ELL2: variants seen among roughly 807,000 people sequenced by gnomAD.
ELL2 encodes the protein RNA polymerase II elongation factor ELL2.
Under a neutral mutation model 72.8 loss-of-function variants are expected in ELL2, and 21 were observed. The observed-to-expected ratio is 0.29, with a 90% CI of 0.20 to 0.42. The LOEUF is 0.42. Ranked by LOEUF, ELL2 falls within the 10% of genes least tolerant of loss-of-function variation. ELL2 has a pLI of 1.00. For missense variants in ELL2, 568 were observed against 772.8 expected, an observed-to-expected ratio of 0.73 and a Z score of 3.14; for synonymous variants, 266 against 283.2, an observed-to-expected ratio of 0.94 and a Z score of 0.61.
At chr5:95,903,234 T>TC (rs1554075434) in intron 5 of ELL2, among the ~76,000 whole-genome samples, 10 of 109,510 alleles carry the variant, frequency 9.1e-5, no homozygotes, top group South Asian at 3.4e-4. Context: ...TTTTTTTTTT[T>TC]CCGAGACAGA....
intron 2 of ELL2, among the ~76,000 whole-genome samples, chr5:95,920,277 ATATTTATTTATTTATT>A (rs70978197): frequency 0.011 from 1,538 of 135,246 alleles, 22 homozygotes; most frequent in African/African-American, 0.039. Flanking sequence ...TAAATTTTTA[ATATTTATTTATTTATT>A]TATTTATTTA....
intron 1 of ELL2, among the ~76,000 whole-genome samples, chr5:95,955,705 G>A (rs978798561): frequency 6.6e-6 from 1 of 152,150 alleles, no homozygotes; most frequent in Non-Finnish European, 1.5e-5. Context: ...TGGAGCTGAG[G>A]TATGCAGGAC....
intron 2 of ELL2, among the ~76,000 whole-genome samples, chr5:95,939,922 C>T (rs892871814): frequency 7.9e-5 from 12 of 152,170 alleles, no homozygotes; most frequent in African/African-American, 2.9e-4. Flanking sequence ...TCTAAATATG[C>T]TGTTCTAGAG....
At chr5:95,921,087 C>T in intron 2 of ELL2, among the ~76,000 whole-genome samples, 1 of 152,116 alleles carries the variant, frequency 6.6e-6, no homozygotes, top group East Asian at 1.9e-4. Context: ...GAAAGAACTG[C>T]AGTCACCAAT....
At chr5:95,922,808 C>A (rs377169258) in intron 2 of ELL2, among the ~76,000 whole-genome samples, 2 of 151,892 alleles carry the variant, frequency 1.3e-5, no homozygotes, top group African/African-American at 4.8e-5. Context: ...TAAAAAGAAA[C>A]AAAGTTTTTA....
chr5:95,920,901 C>T (rs1158844798), intron 2 of ELL2, among the ~76,000 whole-genome samples: 1 of 134,920 alleles, frequency 7.4e-6, no homozygotes, highest in Non-Finnish European at 1.5e-5. Context: ...TCTGTCCTTT[C>T]CATTATAAGA....
chr5:95,918,446 G>A (rs73771803), intron 3 of ELL2, among the ~76,000 whole-genome samples: 4 of 152,194 alleles, frequency 2.6e-5, no homozygotes, highest in African/African-American at 9.7e-5. Context: ...GAAAATGACA[G>A]ATTAAATAAC....
chr5:95,901,138 A>G (rs1235393659), intron 5 of ELL2, 58 bp from the exon 6 acceptor site: 4 of 1,531,492 alleles, frequency 2.6e-6, no homozygotes, highest in South Asian at 1.3e-5. Flanking sequence ...TCCTAACCTA[A>G]AACAGGCAAC....
chr5:95,948,429 CAAAA>C (rs1187881368), intron 1 of ELL2, among the ~76,000 whole-genome samples: 541 of 35,176 alleles, frequency 0.015, 1 homozygote, highest in African/African-American at 0.06. Context: ...GACTCCGCCT[CAAAA>C]AAAAAAAAAA....
At chr5:95,903,874 C>T (rs898284512) in intron 5 of ELL2, among the ~76,000 whole-genome samples, 13 of 152,128 alleles carry the variant, frequency 8.5e-5, no homozygotes, top group African/African-American at 2.7e-4. Context: ...TCCATCCTTC[C>T]GCATCTCAGT....
intron 4 of ELL2, chr5:95,913,494 C>T (rs776669662): frequency 1.7e-5 from 4 of 240,130 alleles, no homozygotes; most frequent in Non-Finnish European, 1.6e-5. Flanking sequence ...ATTGCAACTT[C>T]ACGCAGTAAT....
chr5:95,903,530 A>C (rs1749228438), intron 5 of ELL2, among the ~76,000 whole-genome samples: 1 of 152,050 alleles, frequency 6.6e-6, no homozygotes, highest in Non-Finnish European at 1.5e-5. Context: ...CGCCTGGCCT[A>C]GGACCTTTGT....
At position 95,943,266 on chromosome 5, in the gene ELL2, T is replaced by TTA. The variant is rs558414019; in HGVS notation, c.148-218_148-217insTA. On this transcript the variant is annotated intron_variant, in intron 1 of 11. Transcript: ENST00000237853. ...TGAGACCTCCCCCTCCATCTCTATT[T>TTA]AAAAAAAAAAAAAAGAAAGAAAGAA... is the stretch of plus-strand genomic sequence containing the variant. Among the ~76,000 whole-genome samples the TTA allele has an allele frequency of 6.0e-3, 853 of 141,392 alleles. 1 individual carries two copies. Among genetic ancestry groups the TTA allele is most frequent in the Non-Finnish European group, 9.4e-3 (609 of 64,710 alleles). 92.8% of individuals were successfully genotyped at this position (141,392 alleles called of 152,430 possible). A position where few individuals can be genotyped will look rare whatever the true frequency, so the allele number is the denominator to read the frequency against.
At chr5:95,927,318 T>TCCAGGG (rs1245088052) in intron 2 of ELL2, among the ~76,000 whole-genome samples, 2 of 149,166 alleles carry the variant, frequency 1.3e-5, no homozygotes, top group Admixed American at 1.3e-4. Context: ...TCCAGGGTAT[T>TCCAGGG]TTGCCTGGAA....
chr5:95,929,550 C>T (rs1323416904), intron 2 of ELL2, among the ~76,000 whole-genome samples: 1 of 152,114 alleles, frequency 6.6e-6, no homozygotes, highest in Admixed American at 6.5e-5. Flanking sequence ...AGCCACTGCG[C>T]CCAGCCGGTC....
At chr5:95,927,402 CACACACGTGTGTATATAGACAT>C (rs1365921439) in intron 2 of ELL2, among the ~76,000 whole-genome samples, 850 of 39,800 alleles carry the variant, frequency 0.021, 193 homozygotes, top group African/African-American at 0.033. Context: ...TATAGACATA[CACACACGTGTGTATATAGACAT>C]ACACACACAC....
rs763234925 is a variant in ELL2 at position 95,928,885 on chromosome 5, GTA to G, written c.196-9342_196-9341del. Among the ~76,000 whole-genome samples the G allele has an allele frequency of 1.0e-3, 159 of 152,232 alleles. 3 individuals carry two copies. Among genetic ancestry groups the G allele is most frequent in the Admixed American group, 5.2e-4 (8 of 15,292 alleles). On this transcript the variant is annotated intron_variant, in intron 2 of 11. Coordinates refer to ENST00000237853, the MANE Select transcript of ELL2 (RefSeq NM_012081.6). ...AGTAGTAGATGTAAGCTTCTTAACA[GTA>G]TATATGTTTCCTTGTCAGCACTCTT...
chr5:95,931,283 T>C (rs1045797524), intron 2 of ELL2, among the ~76,000 whole-genome samples: 1 of 152,066 alleles, frequency 6.6e-6, no homozygotes, highest in African/African-American at 2.4e-5. Flanking sequence ...ATATGACTGA[T>C]GTGAAGTTCA....
At chr5:95,906,483 A>T (rs1040499733) in intron 5 of ELL2, 40 bp downstream of exon 5, 2 of 1,529,116 alleles carry the variant, frequency 1.3e-6, no homozygotes, top group Non-Finnish European at 8.8e-7. Context: ...CATTTTAACA[A>T]GAAGGTAAGC....
Sources: allele counts gnomAD v4.1 joint callset (sites outside exome capture counted in the v4.1 genomes callset), GRCh38; gene constraint gnomAD v4.1.1; transcripts MANE v1.5; gene names NCBI Gene and HGNC (gene_info 2026-07-23, HGNC 2026-07-21).